Variants in CDH13 observed in about 807,000 individuals in gnomAD.
CDH13 encodes the protein cadherin 13.
A neutral mutation model predicts 63.8 loss-of-function variants in CDH13; 24 were observed. The observed-to-expected ratio is 0.38, with a 90% CI of 0.27 to 0.53. The LOEUF is 0.53. Ranked by LOEUF, CDH13 falls within the 20% of genes least tolerant of loss-of-function variation. The pLI, the probability that CDH13 is intolerant of heterozygous loss-of-function variation, is 0.85. For synonymous variants in CDH13, 503 were observed against 355.3 expected (o/e 1.42, Z -4.67); for missense variants, 1,049 against 903.1 (o/e 1.16, Z -2.07).
At chr16:83,685,836 A>G (rs189206068) in intron 10 of CDH13, among the ~76,000 whole-genome samples, 128 of 152,316 alleles carry the variant, frequency 8.4e-4, no homozygotes, top group African/African-American at 2.9e-3. Context: ...CTGCCTGTGC[A>G]CAGGCCTCTG....
chr16:82,648,691 G>C (rs1910383842), intron 1 of CDH13, among the ~76,000 whole-genome samples: 1 of 152,050 alleles, frequency 6.6e-6, no homozygotes, highest in Non-Finnish European at 1.5e-5. Context: ...TTTCCCCTCT[G>C]GTTTACAAGT....
chr16:83,682,391 G>T (rs1049389799), intron 10 of CDH13, among the ~76,000 whole-genome samples: 1 of 152,074 alleles, frequency 6.6e-6, no homozygotes, highest in South Asian at 2.1e-4. Flanking sequence ...TTCATAAGTC[G>T]CATGTCTCTT....
chr16:82,655,162 C>G (rs1017484383), intron 1 of CDH13, among the ~76,000 whole-genome samples: 9 of 152,318 alleles, frequency 5.9e-5, no homozygotes, highest in African/African-American at 2.2e-4. Flanking sequence ...CCCGCAAGCA[C>G]CAGGAAAATA....
intron 6 of CDH13, among the ~76,000 whole-genome samples, chr16:83,434,270 G>T (rs985745976): frequency 2.0e-5 from 3 of 152,146 alleles, no homozygotes; most frequent in African/African-American, 7.2e-5. Flanking sequence ...GAATCATAGG[G>T]CTTGGAATTT....
chr16:83,107,168 C>G (rs1456977786), intron 3 of CDH13, among the ~76,000 whole-genome samples: 1 of 152,136 alleles, frequency 6.6e-6, no homozygotes, highest in African/African-American at 2.4e-5. Flanking sequence ...TCTTCTTAGG[C>G]TTTGCCTTGG....
intron 1 of CDH13, among the ~76,000 whole-genome samples, chr16:82,765,190 T>C (rs1189919771): frequency 1.3e-5 from 2 of 152,224 alleles, no homozygotes; most frequent in Non-Finnish European, 2.9e-5. Flanking sequence ...TTCTTTTACT[T>C]TTTAAAGAGA....
At chr16:82,970,298 T>C (rs1016645773) in intron 2 of CDH13, among the ~76,000 whole-genome samples, 2 of 152,138 alleles carry the variant, frequency 1.3e-5, no homozygotes, top group African/African-American at 4.8e-5. Flanking sequence ...CTGGTATATA[T>C]GTGCCACATT....
At chr16:83,011,789 T>C (rs1032427723) in intron 2 of CDH13, among the ~76,000 whole-genome samples, 6 of 152,202 alleles carry the variant, frequency 3.9e-5, no homozygotes, top group African/African-American at 1.4e-4. Flanking sequence ...CCCAAACTTC[T>C]ACAGCCAAAC....
intron 2 of CDH13, among the ~76,000 whole-genome samples, chr16:82,973,842 C>T (rs1909119082): frequency 6.6e-6 from 1 of 152,126 alleles, no homozygotes; most frequent in South Asian, 2.1e-4. Flanking sequence ...CAGTTTTGTA[C>T]TCAGCTGTTT....
intron 4 of CDH13, among the ~76,000 whole-genome samples, chr16:83,156,362 G>C (rs910410727): frequency 3.9e-5 from 6 of 152,028 alleles, no homozygotes; most frequent in Non-Finnish European, 7.4e-5. Flanking sequence ...TCTCTAACCA[G>C]TATAAGCAAA....
intron 5 of CDH13, among the ~76,000 whole-genome samples, chr16:83,255,395 G>A (rs1906134451): frequency 1.3e-5 from 2 of 152,168 alleles, no homozygotes; most frequent in African/African-American, 2.4e-5. Context: ...TGCAGAAAAT[G>A]GCTTTCCCAC....
At chr16:83,123,144 G>C (rs117496244) in intron 3 of CDH13, among the ~76,000 whole-genome samples, 1 of 149,562 alleles carries the variant, frequency 6.7e-6, no homozygotes, top group South Asian at 2.1e-4. Flanking sequence ...TGGCATGTGC[G>C]TGTGTGTGTA....
chr16:83,091,172 C>T (rs527347649), intron 3 of CDH13, among the ~76,000 whole-genome samples: 5 of 151,902 alleles, frequency 3.3e-5, no homozygotes, highest in Non-Finnish European at 5.9e-5. Context: ...CTTCCTTTCT[C>T]TCTCTTCTTC....
intron 6 of CDH13, among the ~76,000 whole-genome samples, chr16:83,483,902 C>G (rs948032741): frequency 6.6e-6 from 1 of 152,212 alleles, no homozygotes; most frequent in Non-Finnish European, 1.5e-5. Flanking sequence ...CAATGGGAGA[C>G]AGAGTCATGC....
In CDH13 at chr16:83,375,299, C is replaced by T. The variant is rs145396393; in HGVS notation, c.781+30293C>T. On this transcript the variant is annotated intron_variant, in intron 6 of 13. Coordinates refer to ENST00000567109, the MANE Select transcript of CDH13 (RefSeq NM_001257.5). ...TGATTTTTAAAGAAGTGCTGAGGCC[C>T]CCTTGGGCCACAGCAGATAAGGGAC... Among the ~76,000 whole-genome samples the T allele has an allele frequency of 7.4e-4, 113 of 152,266 alleles. No homozygotes were observed. The East Asian group carries it at 0.02, about 27-fold the overall frequency.
At chr16:83,406,512 G>C (rs2092050144) in intron 6 of CDH13, among the ~76,000 whole-genome samples, 2 of 150,960 alleles carry the variant, frequency 1.3e-5, no homozygotes, top group Admixed American at 1.3e-4. Flanking sequence ...CGCCCAGGCT[G>C]GAGTGCAATG....
At chr16:83,457,322 C>G (rs988099671) in intron 6 of CDH13, among the ~76,000 whole-genome samples, 3 of 152,132 alleles carry the variant, frequency 2.0e-5, no homozygotes, top group Non-Finnish European at 4.4e-5. Flanking sequence ...TTAGTAGTGT[C>G]TGTGTTAGTA....
intron 10 of CDH13, chr16:83,735,398 G>T (rs1266037698): frequency 6.6e-6 from 1 of 152,050 alleles, no homozygotes; most frequent in Non-Finnish European, 1.5e-5. Flanking sequence ...CACTTGTCAT[G>T]GATTTACTTA....
At chr16:83,515,250 C>T (rs1023356712) in intron 7 of CDH13, among the ~76,000 whole-genome samples, 3 of 152,212 alleles carry the variant, frequency 2.0e-5, no homozygotes, top group Admixed American at 2.0e-4. Context: ...CCAAACCAAC[C>T]CTGAGCCTCT....
Sources: gnomAD v4.1 joint callset for allele counts (sites outside exome capture counted in the v4.1 genomes callset) on GRCh38, gnomAD v4.1.1 for gene constraint, MANE v1.5 for transcripts, NCBI Gene and HGNC (gene_info 2026-07-23, HGNC 2026-07-21) for gene names.